The following PWWP3A variants were observed in gnomAD, a reference collection of about 807,000 sequenced individuals.
PWWP3A encodes PWWP domain-containing DNA repair factor 3A.
Under a neutral mutation model 79.0 loss-of-function variants are expected in PWWP3A, and 53 were observed. The ratio of observed to expected loss-of-function variants is 0.67; its 90% CI spans 0.54 to 0.84. The LOEUF (loss-of-function observed/expected upper bound fraction) is 0.84, where lower values mean the gene tolerates loss of function less well. Ranked by LOEUF, PWWP3A falls within the 40% of genes least tolerant of loss-of-function variation. The pLI, the probability that PWWP3A is intolerant of heterozygous loss-of-function variation, is 0.00. For synonymous variants in PWWP3A, 443 were observed against 394.4 expected, an observed-to-expected ratio of 1.12 and a Z score of -1.46; for missense variants, 973 against 948.0, an observed-to-expected ratio of 1.03 and a Z score of -0.35.
chr19:1,366,444 T>TCAGAGCGGGCGTGG (rs1405903750), intron 8 of PWWP3A, 63 bp downstream of exon 8: 1 of 1,480,096 alleles, frequency 6.8e-7, no homozygotes, highest in Non-Finnish European at 9.4e-7. Flanking sequence ...GCTCTCAGAG[T>TCAGAGCGGGCGTGG]CAGAGCGGGC....
rs764759817 is a variant in PWWP3A at position 1,376,501 on chromosome 19, G to A, written c.2076-18G>A. The A allele has an allele frequency of 1.2e-5, 20 of 1,611,738 alleles. No homozygotes were observed. Among genetic ancestry groups the A allele is most frequent in the Middle Eastern group, 3.3e-4 (2 of 6,070 alleles). Reference sequence around the variant, plus strand: ...CACAATGATTAATTACTAAAATGAAGACTCTTGTTTTCTGAAGGGAAAAAG... The same window carrying A: ...CACAATGATTAATTACTAAAATGAAAACTCTTGTTTTCTGAAGGGAAAAAG... On this transcript the variant is annotated intron_variant, in intron 13 of 13. Transcript: ENST00000591337.
chr19:1,368,172 C>T lies in PWWP3A; in HGVS notation c.1422+952C>T, dbSNP rs1457237559. Among the ~76,000 whole-genome samples, 1 of 152,172 alleles carries T rather than the reference C, an allele frequency of 6.6e-6. No individual in the cohort carries two copies. Among genetic ancestry groups the T allele is most frequent in the African/African-American group, 2.4e-5 (1 of 41,448 alleles). The stretch of plus-strand genomic sequence containing the variant: ...ACTCCTGACCTCATGATCCGCCTGC[C>T]TCAGCCTCTCAAAGTGCTGGGATTA... On this transcript the variant is annotated intron_variant, in intron 9 of 13. Coordinates refer to ENST00000591337, the MANE Select transcript of PWWP3A (RefSeq NM_001369789.1). This position sits in a 1 kb window ranked among gnomAD's most constrained non-coding sequence, Gnocchi z 4.7.
At position 1,377,951 on chromosome 19, in the gene PWWP3A, G is replaced by A. The variant is rs1018304849; in HGVS notation, c.*1375G>A. ...CTCGTATCGGGCCCTTGGGACTCGGGAGGTGCCAGAGGCGGCGGCTGCTCT... is the reference window on the plus strand; with the variant it reads ...CTCGTATCGGGCCCTTGGGACTCGGAAGGTGCCAGAGGCGGCGGCTGCTCT... On this transcript the variant is annotated 3_prime_UTR_variant, in exon 14 of 14. Transcript: ENST00000591337. 6.6e-6 allele frequency: 1 copy of A among 152,318 alleles called. No individual in the cohort carries two copies. The highest frequency in any genetic ancestry group is 1.9e-4 in the East Asian group (1 of 5,196). The allele number at this position is 152,318 out of a possible 1,614,324, so 9.4% of individuals were successfully genotyped here. A position where few individuals can be genotyped will look rare whatever the true frequency, so the allele number is the denominator to read the frequency against.
At chr19:1,358,528 T>C (rs1181525151) in intron 4 of PWWP3A, 64 bp downstream of exon 4, 14 of 1,606,424 alleles carry the variant, frequency 8.7e-6, no homozygotes, top group Admixed American at 1.7e-5. Flanking sequence ...TGGGAGAATG[T>C]GAAGGCTCAG....
At chr19:1,363,676 C>G (rs1201567926) in intron 6 of PWWP3A, among the ~76,000 whole-genome samples, 3 of 152,352 alleles carry the variant, frequency 2.0e-5, no homozygotes, top group African/African-American at 7.2e-5. Context: ...GGTTCCCTGA[C>G]CGGCCTCTGA....
chr19:1,371,086 G>A lies in PWWP3A; in HGVS notation c.1986+8G>A, dbSNP rs200341027. On this transcript the variant is annotated splice_region_variant and intron_variant, in intron 12 of 13. Transcript: ENST00000591337. ...GACGTGCTTCTGCCCGAGGTGAGCC[G>A]CGGACCGGCGTGTCACGTGGGCAGG... 5.8e-6 allele frequency: 9 copies of A among 1,554,364 alleles called. No homozygotes were observed. The highest frequency in any genetic ancestry group is 4.8e-5 in the East Asian group (2 of 41,388).
At position 1,372,975 on chromosome 19, in the gene PWWP3A, C is replaced by G. The variant is rs139786270; in HGVS notation, c.1987-97C>G. On this transcript the variant is annotated intron_variant, in intron 12 of 13. Transcript: ENST00000591337. ...GCTAGACCATGTCTGGAGGCTGGAA[C>G]CTGGTGACCCAGGCTCCCTGCGGCC... 2.1e-4 allele frequency: 203 copies of G among 967,068 alleles called. No homozygotes were observed. The African/African-American group carries it at 2.9e-3, about 14-fold the overall frequency. 59.9% of individuals were successfully genotyped at this position (967,068 alleles called of 1,614,324 possible). A position where few individuals can be genotyped will look rare whatever the true frequency, so the allele number is the denominator to read the frequency against.
chr19:1,357,139 T>G (rs747734957), intron 3 of PWWP3A, 45 bp downstream of exon 3: 16 of 1,437,158 alleles, frequency 1.1e-5, no homozygotes, highest in Admixed American at 9.5e-5. Context: ...CCGTGTAGAT[T>G]TCTGATACTT....
intron 9 of PWWP3A, 123 bp downstream of exon 9, chr19:1,367,343 TAGC>T (rs2082150885): frequency 2.4e-6 from 2 of 819,566 alleles, no homozygotes; most frequent in Non-Finnish European, 4.0e-6. Context: ...TTGTGGGAAG[TAGC>T]AGAGCCAGGC....
chr19:1,378,045 G>T lies in PWWP3A; in HGVS notation c.*1469G>T, dbSNP rs1263966255. On this transcript the variant is annotated 3_prime_UTR_variant, in exon 14 of 14. Transcript: ENST00000591337. ...GACTCCGAGAGCAGGAAACCCGGCCGTGGCCTGGCAGCTCCGCCTCCCATG... is the reference window on the plus strand; with the variant it reads ...GACTCCGAGAGCAGGAAACCCGGCCTTGGCCTGGCAGCTCCGCCTCCCATG... 6.6e-6 allele frequency: 1 copy of T among 152,308 alleles called. No homozygotes were observed. Among genetic ancestry groups the T allele is most frequent in the African/African-American group, 2.4e-5 (1 of 41,442 alleles). 9.4% of individuals were successfully genotyped at this position (152,308 alleles called of 1,614,324 possible).
At chr19:1,375,699 T>TTAATATA (rs936058732) in intron 13 of PWWP3A, among the ~76,000 whole-genome samples, 74 of 115,998 alleles carry the variant, frequency 6.4e-4, no homozygotes, top group African/African-American at 2.3e-3. Flanking sequence ...ATAAAACAAT[T>TTAATATA]TAATATATAA....
chr19:1,361,077 T>C, intron 5 of PWWP3A, 45 bp downstream of exon 5: 1 of 1,381,546 alleles, frequency 7.2e-7, no homozygotes, highest in South Asian at 1.8e-5. Context: ...GGTGGAGTCC[T>C]GCTCCTCCGC....
intron 12 of PWWP3A, among the ~76,000 whole-genome samples, chr19:1,371,677 T>TA (rs2082263297): frequency 6.6e-6 from 1 of 152,020 alleles, no homozygotes; most frequent in African/African-American, 2.4e-5. Context: ...GAAAAAAACA[T>TA]ACTCAAAACT....
chr19:1,374,899 C>T (rs1272155687), intron 13 of PWWP3A, among the ~76,000 whole-genome samples: 2 of 152,006 alleles, frequency 1.3e-5, no homozygotes, highest in East Asian at 3.9e-4. Context: ...AGAGCAACAC[C>T]CTGTCTCTAA....
intron 12 of PWWP3A, among the ~76,000 whole-genome samples, chr19:1,371,743 A>G (rs1319442744): frequency 6.6e-6 from 1 of 152,042 alleles, no homozygotes; most frequent in Non-Finnish European, 1.5e-5. Context: ...AAATAGCATA[A>G]TGAACTCTAA....
intron 11 of PWWP3A, among the ~76,000 whole-genome samples, chr19:1,370,298 T>G (rs918169048): frequency 6.6e-6 from 1 of 152,186 alleles, no homozygotes; most frequent in Non-Finnish European, 1.5e-5. Flanking sequence ...GATCCAGCAT[T>G]TTCCTTTATC....
intron 13 of PWWP3A, among the ~76,000 whole-genome samples, chr19:1,376,295 GTTTTT>G (rs754438911): frequency 0.025 from 1,688 of 67,054 alleles, 82 homozygotes; most frequent in African/African-American, 0.089. Context: ...CCGGCTGTTT[GTTTTT>G]TTTTTTGTTT....
intron 13 of PWWP3A, among the ~76,000 whole-genome samples, chr19:1,375,437 C>CTA (rs2082345202): frequency 2.1e-5 from 1 of 48,764 alleles, no homozygotes; most frequent in African/African-American, 8.4e-5. Context: ...ATATATATAG[C>CTA]CATATATATT....
At position 1,370,739 on chromosome 19, in the gene PWWP3A, C is replaced by T. The variant is rs1273891422; in HGVS notation, c.1647C>T (p.Pro549=). The change falls in exon 12 of 14, where the codon CCC becomes CCT. Residue 549 remains proline (P), a synonymous_variant. Transcript: ENST00000591337. ...GSPEEPVVGC[P]LGQRQPCRKM... is the part of the protein sequence containing the mutation. ...CCGAGGAGCCCGTGGTGGGGTGCCC[C>T]CTGGGGCAGAGGCAGCCCTGCCGGA... The T allele has an allele frequency of 6.7e-7, 1 of 1,491,012 alleles. No homozygotes were observed. Among genetic ancestry groups the T allele is most frequent in the Non-Finnish European group, 9.0e-7 (1 of 1,116,432 alleles). 92.4% of individuals were successfully genotyped at this position (1,491,012 alleles called of 1,614,324 possible).
Sources: allele counts gnomAD v4.1 joint callset (sites outside exome capture counted in the v4.1 genomes callset), GRCh38; gene constraint gnomAD v4.1.1; non-coding constraint Gnocchi (gnomAD v3.1); transcripts MANE v1.5; gene names NCBI Gene and HGNC (gene_info 2026-07-23, HGNC 2026-07-21).